Variants in DAB1 observed in about 807,000 individuals in gnomAD.
DAB1 encodes disabled homolog 1.
DAB1 carries 15 observed loss-of-function variants against 64.6 expected under a neutral mutation model. That is an observed-to-expected ratio of 0.23 (90% CI 0.16 to 0.36). The LOEUF (loss-of-function observed/expected upper bound fraction) is 0.36, where lower values mean the gene tolerates loss of function less well. Ranked by LOEUF, DAB1 falls within the 10% of genes least tolerant of loss-of-function variation. DAB1 has a pLI of 1.00. For synonymous variants in DAB1, 235 were observed against 251.9 expected (o/e 0.93, Z 0.64); for missense variants, 596 against 706.7 (o/e 0.84, Z 1.78).
intron 14 of DAB1, among the ~76,000 whole-genome samples, chr1:57,002,216 T>G: frequency 6.6e-6 from 1 of 152,324 alleles, no homozygotes; most frequent in Admixed American, 6.5e-5. Context: ...CCCAATTTTC[T>G]CGAAGGTGCA....
chr1:58,156,203 T>C (rs1655220559), intron 4 of DAB1, among the ~76,000 whole-genome samples: 1 of 152,226 alleles, frequency 6.6e-6, no homozygotes, highest in Non-Finnish European at 1.5e-5. Flanking sequence ...ATCTAGCACT[T>C]GCTTCTCCAT....
At chr1:58,370,504 T>C (rs931128596) in intron 3 of DAB1, among the ~76,000 whole-genome samples, 11 of 151,540 alleles carry the variant, frequency 7.3e-5, no homozygotes, top group African/African-American at 2.7e-4. Flanking sequence ...TGAAAGAGAA[T>C]TGGGCTGGGT....
At chr1:57,212,879 A>G (rs1228541489) in intron 2 of DAB1, among the ~76,000 whole-genome samples, 1 of 152,096 alleles carries the variant, frequency 6.6e-6, no homozygotes, top group Non-Finnish European at 1.5e-5. Flanking sequence ...CAGTCTCAGA[A>G]CCCTTCTGCC....
intron 6 of DAB1, among the ~76,000 whole-genome samples, chr1:57,701,011 C>A (rs1269650180): frequency 1.3e-5 from 2 of 152,094 alleles, no homozygotes; most frequent in Non-Finnish European, 2.9e-5. Context: ...GAGATACCAT[C>A]TCACACCAGT....
At chr1:58,535,771 C>G (rs1434618057) in intron 1 of DAB1, among the ~76,000 whole-genome samples, 1 of 151,998 alleles carries the variant, frequency 6.6e-6, no homozygotes, top group Non-Finnish European at 1.5e-5. Context: ...AAATGTTTAA[C>G]TACCTGAGTT....
At chr1:58,538,714 T>G in intron 1 of DAB1, 1 of 609,946 alleles carries the variant, frequency 1.6e-6, no homozygotes, top group Non-Finnish European at 2.8e-6. Flanking sequence ...AAAAAATTAA[T>G]TTCTAAAAGT....
intron 4 of DAB1, among the ~76,000 whole-genome samples, chr1:58,151,982 CAG>C (rs1654964523): frequency 6.6e-6 from 1 of 151,974 alleles, no homozygotes; most frequent in African/African-American, 2.4e-5. Context: ...ATATCCCAGG[CAG>C]AGAGAACAAG....
At chr1:57,360,416 C>G (rs183323505) in intron 1 of DAB1, among the ~76,000 whole-genome samples, 64 of 152,148 alleles carry the variant, frequency 4.2e-4, no homozygotes, top group African/African-American at 1.4e-3. Flanking sequence ...AAGCCCATGT[C>G]AATACTACTC....
chr1:57,649,181 C>T (rs1646227727), intron 7 of DAB1, among the ~76,000 whole-genome samples: 1 of 152,094 alleles, frequency 6.6e-6, no homozygotes, highest in South Asian at 2.1e-4. Flanking sequence ...AGAATAGTTT[C>T]CTCTGTTGGT....
chr1:57,138,208 G>A (rs917563929), intron 3 of DAB1, among the ~76,000 whole-genome samples: 2 of 152,118 alleles, frequency 1.3e-5, no homozygotes, highest in African/African-American at 4.8e-5. Flanking sequence ...ACGTCTTGCA[G>A]ACTCACAGAC....
intron 5 of DAB1, among the ~76,000 whole-genome samples, chr1:58,076,331 G>A (rs1281178351): frequency 2.0e-5 from 3 of 152,166 alleles, no homozygotes; most frequent in East Asian, 3.9e-4. Flanking sequence ...GATCAGAGAT[G>A]TGCACCCAGG....
At chr1:57,285,733 C>G (rs1260403998) in intron 2 of DAB1, among the ~76,000 whole-genome samples, 1 of 152,192 alleles carries the variant, frequency 6.6e-6, no homozygotes, top group Non-Finnish European at 1.5e-5. Flanking sequence ...ACCAGGTCTG[C>G]TGTGCTCCAA....
intron 1 of DAB1, among the ~76,000 whole-genome samples, chr1:57,362,102 G>C (rs564403215): frequency 6.6e-6 from 1 of 152,244 alleles, no homozygotes; most frequent in Non-Finnish European, 1.5e-5. Flanking sequence ...ATATTAATTT[G>C]TTCCATATGA....
chr1:58,478,812 C>T (rs1372070681), intron 3 of DAB1, among the ~76,000 whole-genome samples: 2 of 151,674 alleles, frequency 1.3e-5, no homozygotes, highest in African/African-American at 4.8e-5. Context: ...ATGCTCCTAA[C>T]AACTAAGTTA....
intron 3 of DAB1, among the ~76,000 whole-genome samples, chr1:58,412,435 A>C (rs556487811): frequency 6.6e-6 from 1 of 152,230 alleles, no homozygotes; most frequent in African/African-American, 2.4e-5. Flanking sequence ...TGACTCATTC[A>C]CTTCTGGCCT....
At chr1:57,033,590 T>C (rs757257743) in intron 9 of DAB1, 1 of 1,608,978 alleles carries the variant, frequency 6.2e-7, no homozygotes, top group Admixed American at 1.7e-5. Context: ...GTGGAAGGGA[T>C]GATGAATGAG....
chr1:57,350,924 A>C (rs980199677), intron 1 of DAB1, among the ~76,000 whole-genome samples: 8 of 152,122 alleles, frequency 5.3e-5, no homozygotes, highest in African/African-American at 1.9e-4. Flanking sequence ...AGGAGCTACA[A>C]ATTTAGAAAT....
chr1:58,414,790 A>G (rs1007332268), intron 3 of DAB1, among the ~76,000 whole-genome samples: 6 of 152,164 alleles, frequency 3.9e-5, no homozygotes, highest in Non-Finnish European at 8.8e-5. Context: ...AAAAAAAATA[A>G]AAAGAAAGAA....
chr1:58,011,707 A>G lies in DAB1; in HGVS notation n.388-127545T>C, dbSNP rs547657824. ...CTTTTTCTTTTTATTTATTTTTTGGAGACGAAGTCTCTTTCTGTCGCCCAG... is the reference window on the plus strand; with the variant it reads ...CTTTTTCTTTTTATTTATTTTTTGGGGACGAAGTCTCTTTCTGTCGCCCAG... On this transcript the variant is annotated intron_variant and non_coding_transcript_variant, in intron 5 of 20. Coordinates refer to the DAB1 transcript ENST00000485760. 1.3e-4 allele frequency among the ~76,000 whole-genome samples: 19 copies of G among 151,842 alleles called. 1 individual carries two copies. In the South Asian group the frequency reaches 3.5e-3, roughly 28 times the overall value.
Sources: allele counts gnomAD v4.1 joint callset (sites outside exome capture counted in the v4.1 genomes callset), GRCh38; gene constraint gnomAD v4.1.1; transcripts MANE v1.5; gene names NCBI Gene and HGNC (gene_info 2026-07-23, HGNC 2026-07-21).